Variants in ST6GALNAC5 observed in about 807,000 individuals in gnomAD.
ST6GALNAC5 encodes ST6 N-acetylgalactosaminide alpha-2,6-sialyltransferase 5.
Under a neutral mutation model 33.6 loss-of-function variants are expected in ST6GALNAC5, and 27 were observed. The ratio of observed to expected loss-of-function variants is 0.80; its 90% CI spans 0.59 to 1.11. ST6GALNAC5 has a LOEUF of 1.11. ST6GALNAC5 is among the 50% of genes least tolerant of loss of function. The pLI is 0.00. For missense variants in ST6GALNAC5, 428 were observed against 454.0 expected (o/e 0.94, Z 0.52); for synonymous variants, 194 against 171.2 (o/e 1.13, Z -1.04).
intron 2 of ST6GALNAC5, among the ~76,000 whole-genome samples, chr1:76,996,436 T>A (rs1407362255): frequency 6.6e-6 from 1 of 152,234 alleles, no homozygotes; most frequent in Non-Finnish European, 1.5e-5. Context: ...CACAATCTAA[T>A]GCAGCATAGT....
intron 2 of ST6GALNAC5, among the ~76,000 whole-genome samples, chr1:76,935,368 A>T (rs969308223): frequency 2.0e-5 from 3 of 151,980 alleles, no homozygotes; most frequent in Admixed American, 6.6e-5. Context: ...TTCATTTTTT[A>T]AAAATCCCAC....
intron 2 of ST6GALNAC5, among the ~76,000 whole-genome samples, chr1:76,920,354 C>A (rs1294849447): frequency 1.3e-5 from 2 of 152,158 alleles, no homozygotes; most frequent in African/African-American, 4.8e-5. Context: ...TAAAAGAAAA[C>A]AGCCATATGA....
chr1:76,908,464 T>A (rs1646884232), intron 2 of ST6GALNAC5, among the ~76,000 whole-genome samples: 2 of 152,168 alleles, frequency 1.3e-5, no homozygotes, highest in Admixed American at 1.3e-4. Context: ...CCTTATCACA[T>A]GGGTGATTAG....
intron 2 of ST6GALNAC5, among the ~76,000 whole-genome samples, chr1:76,991,210 A>G (rs1352840128): frequency 6.6e-6 from 1 of 152,186 alleles, no homozygotes; most frequent in Non-Finnish European, 1.5e-5. Context: ...GCTTTTATTC[A>G]GAATAAAATT....
intron 2 of ST6GALNAC5, among the ~76,000 whole-genome samples, chr1:76,911,824 TATTA>T (rs889245038): frequency 1.3e-5 from 2 of 152,216 alleles, no homozygotes; most frequent in Non-Finnish European, 2.9e-5. Context: ...TTTTTTTCTT[TATTA>T]GTCTTGCTAG....
chr1:76,880,442 A>C (rs1397099247), intron 2 of ST6GALNAC5, among the ~76,000 whole-genome samples: 1 of 152,174 alleles, frequency 6.6e-6, no homozygotes, highest in Non-Finnish European at 1.5e-5. Flanking sequence ...AGAGAGATAG[A>C]ACTAATAGGA....
intron 2 of ST6GALNAC5, among the ~76,000 whole-genome samples, chr1:76,969,729 G>C (rs868408972): frequency 6.6e-6 from 1 of 152,166 alleles, no homozygotes; most frequent in South Asian, 2.1e-4. Context: ...CTCCTCAAGT[G>C]GGTCCCTGAC....
In ST6GALNAC5 at chr1:77,067,172, T is replaced by C. The variant is rs1376844754; in HGVS notation, c.*3966T>C. ...ATAATAAGCCCTGGGGGGCAGGATGTGTGAACCAATTGCCTAGGTGTTAGC... is the reference window on the plus strand; with the variant it reads ...ATAATAAGCCCTGGGGGGCAGGATGCGTGAACCAATTGCCTAGGTGTTAGC... On this transcript the variant is annotated 3_prime_UTR_variant, in exon 5 of 5. Transcript: ENST00000477717. 1.4e-4 allele frequency among the ~76,000 whole-genome samples: 21 copies of C among 152,192 alleles called. No individual in the cohort carries two copies. Among genetic ancestry groups the C allele is most frequent in the Non-Finnish European group, 2.9e-5 (2 of 68,008 alleles).
chr1:76,906,722 G>C (rs17099700), intron 2 of ST6GALNAC5, among the ~76,000 whole-genome samples: 2,761 of 152,194 alleles, frequency 0.018, 86 homozygotes, highest in African/African-American at 0.062. Context: ...TTAGACGTGT[G>C]TATAAATTAA....
At chr1:76,919,875 A>G (rs542622333) in intron 2 of ST6GALNAC5, among the ~76,000 whole-genome samples, 141 of 152,216 alleles carry the variant, frequency 9.3e-4, no homozygotes, top group Middle Eastern at 3.4e-3. Context: ...ACACTAATGA[A>G]TCTTTTAGCC....
intron 2 of ST6GALNAC5, among the ~76,000 whole-genome samples, chr1:76,975,322 T>C (rs1648963066): frequency 6.6e-6 from 1 of 152,186 alleles, no homozygotes; most frequent in Non-Finnish European, 1.5e-5. Flanking sequence ...TTTGTATCTA[T>C]GGAGATTATT....
chr1:76,971,738 G>A (rs12567699), intron 2 of ST6GALNAC5, among the ~76,000 whole-genome samples: 12,941 of 151,962 alleles, frequency 0.085, 604 homozygotes, highest in Middle Eastern at 0.15. Context: ...ATTGAATACC[G>A]TACTGAAAGT....
At chr1:76,931,727 A>C (rs2100310757) in intron 2 of ST6GALNAC5, among the ~76,000 whole-genome samples, 2 of 152,284 alleles carry the variant, frequency 1.3e-5, no homozygotes, top group East Asian at 3.9e-4. Flanking sequence ...TTCTGAAGAC[A>C]GATATGAACT....
In ST6GALNAC5 at chr1:77,044,228, T is replaced by C; in HGVS notation, c.286T>C (p.Cys96Arg). The change falls in exon 3 of 5, where the codon TGT becomes CGT. Residue 96 changes from cysteine to arginine, a missense_variant. Cys to Arg is a radical substitution (Grantham distance 180, BLOSUM62 -3). Transcript: ENST00000477717. ...GCCCCTGAAAATGCACTGCAGGGAC[T>C]GTGCCCTGGTGACCAGCTCAGGGCA... The part of the protein sequence containing the change: ...HKPLKMHCRD[C>R]ALVTSSGHLL... The C allele has an allele frequency of 6.2e-7, 1 of 1,610,844 alleles. No homozygotes were observed. Among genetic ancestry groups the C allele is most frequent in the South Asian group, 1.1e-5 (1 of 90,698 alleles).
rs555874367 is a variant in ST6GALNAC5 at position 77,001,886 on chromosome 1, T to G, written c.262-42318T>G. On this transcript the variant is annotated intron_variant, in intron 2 of 4. Transcript: ENST00000477717. Reference sequence around the variant, plus strand: ...GCTTTTTGATGTGCTGCTGGATTCGTTTTGCCAGTATTTTATTGAGGATTT... The same window carrying G: ...GCTTTTTGATGTGCTGCTGGATTCGGTTTGCCAGTATTTTATTGAGGATTT... Among the ~76,000 whole-genome samples the G allele has an allele frequency of 4.4e-3, 670 of 151,930 alleles. 8 individuals are homozygous for G. Among genetic ancestry groups the G allele is most frequent in the African/African-American group, 0.015 (640 of 41,400 alleles).
intron 2 of ST6GALNAC5, among the ~76,000 whole-genome samples, chr1:76,998,695 C>T (rs1650031645): frequency 6.6e-6 from 1 of 152,112 alleles, no homozygotes; most frequent in Non-Finnish European, 1.5e-5. Flanking sequence ...GAGACTTCTG[C>T]AAAACCTGAA....
chr1:76,988,485 C>A (rs1649596786), intron 2 of ST6GALNAC5, among the ~76,000 whole-genome samples: 1 of 151,968 alleles, frequency 6.6e-6, no homozygotes, highest in South Asian at 2.1e-4. Context: ...TTTATTCTTA[C>A]TAGTTATAAC....
At chr1:76,928,336 C>T (rs368575509) in intron 2 of ST6GALNAC5, among the ~76,000 whole-genome samples, 28 of 152,238 alleles carry the variant, frequency 1.8e-4, no homozygotes, top group African/African-American at 2.6e-4. Flanking sequence ...ATATTCATTA[C>T]GGTGTGCTGC....
intron 2 of ST6GALNAC5, among the ~76,000 whole-genome samples, chr1:77,018,224 A>G (rs1250868312): frequency 2.0e-5 from 3 of 152,180 alleles, no homozygotes; most frequent in Admixed American, 6.5e-5. Context: ...GTGCACCTTC[A>G]TCTTCTCACC....
Sources: gnomAD v4.1 joint callset for allele counts (sites outside exome capture counted in the v4.1 genomes callset) on GRCh38, gnomAD v4.1.1 for gene constraint, MANE v1.5 for transcripts, NCBI Gene and HGNC (gene_info 2026-07-23, HGNC 2026-07-21) for gene names.